The following MYOM1 variants were observed in gnomAD, a reference collection of about 807,000 sequenced individuals.
The protein encoded by MYOM1 is myomesin-1.
Under a neutral mutation model 205.3 loss-of-function variants are expected in MYOM1, and 164 were observed. The ratio of observed to expected loss-of-function variants is 0.80; its 90% confidence interval spans 0.70 to 0.91. MYOM1 has a LOEUF of 0.91. MYOM1 is among the 40% of genes least tolerant of loss of function. MYOM1 has a pLI of 0.00. For synonymous variants in MYOM1, 772 were observed against 789.4 expected (o/e 0.98, Z 0.37); for missense variants, 2,011 against 2,127.3 (o/e 0.95, Z 1.08).
At chr18:3,153,070 C>A (rs146341290) in intron 11 of MYOM1, among the ~76,000 whole-genome samples, 1 of 152,286 alleles carries the variant, frequency 6.6e-6, no homozygotes, top group Admixed American at 6.5e-5. Flanking sequence ...ATTCTTCAAT[C>A]TACACCTGTC....
At chr18:3,136,148 C>A (rs139186685) in intron 14 of MYOM1, among the ~76,000 whole-genome samples, 5 of 152,002 alleles carry the variant, frequency 3.3e-5, no homozygotes, top group Non-Finnish European at 7.4e-5. Context: ...CCGTGTAAGA[C>A]GTGCCTTTCG....
intron 3 of MYOM1, among the ~76,000 whole-genome samples, chr18:3,193,361 T>TACACACAC (rs58632082): frequency 1.5e-4 from 21 of 135,874 alleles, no homozygotes; most frequent in South Asian, 4.6e-4. Context: ...TATATATATA[T>TACACACAC]ACACACACAC....
chr18:3,114,982 C>A (rs8091028), intron 21 of MYOM1, among the ~76,000 whole-genome samples: 132,215 of 151,566 alleles, frequency 0.87, 58,180 homozygotes, highest in East Asian at 0.97. Context: ...TGCTTCTTCA[C>A]CTTTGTTTCG....
At position 3,189,477 on chromosome 18, in the gene MYOM1, G is replaced by T. The variant is rs1343900588; in HGVS notation, c.432-390C>A. On this transcript the variant is annotated intron_variant, in intron 3 of 37. Coordinates refer to ENST00000356443, the MANE Select transcript of MYOM1 (RefSeq NM_003803.4). This position sits in a 1 kb window ranked among gnomAD's most constrained non-coding sequence, Gnocchi z 4.8. ...TTGTTCAAGCAATTCTCCTGCCTCAGCCTCTCAAGGAGCTGGGATTACAGG... is the reference window on the plus strand; with the variant it reads ...TTGTTCAAGCAATTCTCCTGCCTCATCCTCTCAAGGAGCTGGGATTACAGG... Among the ~76,000 whole-genome samples, 2 of 151,718 alleles carry T rather than the reference G, an allele frequency of 1.3e-5. No individual in the cohort carries two copies. The highest frequency in any genetic ancestry group is 6.6e-5 in the Admixed American group (1 of 15,236).
rs183139046 is a variant in MYOM1, at chr18:3,193,818, C to T, written c.431G>A (p.Arg144His). Residue 144 changes from arginine to histidine, a missense_variant and splice_region_variant, in exon 3 of 38, where the codon CGT becomes CAT. Coordinates refer to ENST00000356443, the MANE Select transcript of MYOM1 (RefSeq NM_003803.4). ...AGCCAGGAAGAAAAAGCACACTCAC[C>T]GTCCTGAGAAAATGGGTACCATGTA... The part of the protein sequence containing the change: ...SDYMVPIFSG[R>H]QKHVSGITDT... 87 of 1,610,884 alleles carry T rather than the reference C, an allele frequency of 5.4e-5. No homozygotes were observed. The highest frequency in any genetic ancestry group is 1.7e-4 in the Admixed American group (10 of 59,418).
At chr18:3,138,275 G>C (rs1212625355) in intron 14 of MYOM1, among the ~76,000 whole-genome samples, 2 of 152,182 alleles carry the variant, frequency 1.3e-5, no homozygotes, top group African/African-American at 4.8e-5. Context: ...CTGAAGTCCA[G>C]ATCTCGTGAC....
chr18:3,143,794 G>C (rs1162525455), intron 13 of MYOM1, among the ~76,000 whole-genome samples: 4 of 151,124 alleles, frequency 2.6e-5, no homozygotes, highest in African/African-American at 9.7e-5. Flanking sequence ...CCAGCTACTT[G>C]GGAGGCTGAG....
At chr18:3,230,691 A>G in the MYOM1 span, among the ~76,000 whole-genome samples, 1 of 151,944 alleles carries the variant, frequency 6.6e-6, no homozygotes, top group Non-Finnish European at 1.5e-5. Context: ...GTGTACACCA[A>G]GTAACCAATG....
At chr18:3,111,146 T>C (rs1316485646) in intron 22 of MYOM1, among the ~76,000 whole-genome samples, 2 of 51,798 alleles carry the variant, frequency 3.9e-5, no homozygotes, top group African/African-American at 7.6e-5. Flanking sequence ...GGTGGGGTTC[T>C]GCCAAGTTGC....
rs2079874435 is a variant in MYOM1 at position 3,131,432 on chromosome 18, C to T, written c.2449G>A (p.Ala817Thr). 1 of 1,613,848 alleles carries T rather than the reference C, an allele frequency of 6.2e-7. No homozygotes were observed. The highest frequency in any genetic ancestry group is 8.5e-7 in the Non-Finnish European group (1 of 1,179,802). ...YIFRVRAVNA[A>T]GLSEYSQDSE... ...TCCTGGGAATATTCACTAAGTCCAG[C>T]TGCATTGACTGCTCTGACCCGGAAA... The change falls in exon 17 of 38, where the codon GCT (alanine) becomes ACT (threonine). Residue 817 changes from alanine (A) to threonine (T), a missense_variant. Physicochemically the swap from Ala to Thr is moderately conservative, Grantham distance 58. Transcript: ENST00000356443.
intron 9 of MYOM1, among the ~76,000 whole-genome samples, chr18:3,165,865 G>C (rs1441191153): frequency 6.6e-6 from 1 of 152,176 alleles, no homozygotes; most frequent in African/African-American, 2.4e-5. Flanking sequence ...GCTAATTCCA[G>C]TCTGGCCTTA....
Position 3,102,259 on chromosome 18 carries a change from C to G in MYOM1, c.3575+215G>C, listed in dbSNP as rs35205553. Among the ~76,000 whole-genome samples, 68,910 of 151,654 alleles carry G rather than the reference C, an allele frequency of 0.45. 16,730 individuals carry two copies. Among genetic ancestry groups the G allele is most frequent in the Admixed American group, 0.62 (9,471 of 15,220 alleles). On this transcript the variant is annotated intron_variant, in intron 23 of 37. Transcript: ENST00000356443. Reference sequence around the variant, plus strand: ...GACCTCGTGATCCACCTGCCTTGGCCTCCCAAAGTGCTGGGATTAGAGGTG... The same window carrying G: ...GACCTCGTGATCCACCTGCCTTGGCGTCCCAAAGTGCTGGGATTAGAGGTG...
At chr18:3,194,360 T>C (rs2080964087) in intron 2 of MYOM1, among the ~76,000 whole-genome samples, 1 of 152,196 alleles carries the variant, frequency 6.6e-6, no homozygotes, top group Non-Finnish European at 1.5e-5. Flanking sequence ...ATGCATACTT[T>C]TCTAGACAGG....
chr18:3,142,908 G>A (rs2080072137), intron 13 of MYOM1, among the ~76,000 whole-genome samples: 1 of 152,148 alleles, frequency 6.6e-6, no homozygotes, highest in Non-Finnish European at 1.5e-5. Context: ...CAGGCAGGGA[G>A]GGAGGAGACT....
At position 3,094,394 on chromosome 18, in the gene MYOM1, AC is replaced by A. The variant is rs373736585; in HGVS notation, c.3728-89del. On this transcript the variant is annotated intron_variant, in intron 25 of 37. Transcript: ENST00000356443. The stretch of plus-strand genomic sequence containing the variant: ...TCCATCAAGTGAAAAAAAAAAAAAA[AC>A]CACACAATGGAAATGACAATGTAGC... 0.075 allele frequency: 68,342 copies of A among 917,072 alleles called. 935 individuals carry two copies. The highest frequency in any genetic ancestry group is 0.081 in the Non-Finnish European group (50,942 of 630,228). 56.8% of individuals were successfully genotyped at this position (917,072 alleles called of 1,614,324 possible).
the MYOM1 span, among the ~76,000 whole-genome samples, chr18:3,234,100 T>C: frequency 6.6e-6 from 1 of 152,180 alleles, no homozygotes; most frequent in African/African-American, 2.4e-5. Flanking sequence ...GTGACAGTCA[T>C]TACCTTGCAG....
At chr18:3,142,599 G>GT (rs398031859) in intron 13 of MYOM1, among the ~76,000 whole-genome samples, 1 of 8,496 alleles carries the variant, frequency 1.2e-4, no homozygotes, top group Non-Finnish European at 2.1e-4. Context: ...ATAGAGCTAA[G>GT]AATCTAGGAT....
chr18:3,189,203 T>TC lies in MYOM1; in HGVS notation c.432-117dup, dbSNP rs2080870934. ...CACTGTATCCTGCACCAAAAGAAAA[T>TC]CCGACATAGAAAAAGCAGGTGAATC... is the stretch of plus-strand genomic sequence containing the variant. On this transcript the variant is annotated intron_variant, in intron 3 of 37. Coordinates refer to ENST00000356443, the MANE Select transcript of MYOM1 (RefSeq NM_003803.4). This position sits in a 1 kb window ranked among gnomAD's most constrained non-coding sequence, Gnocchi z 4.8. 1.0e-6 allele frequency: 1 copy of TC among 970,098 alleles called. No individual in the cohort carries two copies. The highest frequency in any genetic ancestry group is 1.5e-6 in the Non-Finnish European group (1 of 671,910). 60.1% of individuals were successfully genotyped at this position (970,098 alleles called of 1,614,324 possible).
At chr18:3,215,532 C>G (rs1039656015) in intron 1 of MYOM1, among the ~76,000 whole-genome samples, 1 of 151,864 alleles carries the variant, frequency 6.6e-6, no homozygotes, top group East Asian at 1.9e-4. Flanking sequence ...GAGCCCAAGA[C>G]TTCGAGGCTG....
Sources: gnomAD v4.1 joint callset for allele counts (sites outside exome capture counted in the v4.1 genomes callset) on GRCh38, gnomAD v4.1.1 for gene constraint, Gnocchi (gnomAD v3.1) non-coding constraint, MANE v1.5 for transcripts, NCBI Gene and HGNC (gene_info 2026-07-23, HGNC 2026-07-21) for gene names.